Variants in CDH3 observed in about 807,000 individuals in gnomAD.
CDH3 encodes the protein cadherin-3.
In CDH3, 54 loss-of-function variants were observed where a neutral mutation model predicts 82.0. The ratio of observed to expected loss-of-function variants is 0.66; its 90% CI spans 0.53 to 0.83. CDH3 has a LOEUF of 0.83. Among genes scored for constraint, CDH3 ranks in the 40% least tolerant of loss-of-function variants. The pLI is 0.00. For missense variants in CDH3, 1,054 were observed against 1,084.6 expected, an observed-to-expected ratio of 0.97 and a Z score of 0.40; for synonymous variants, 446 against 437.9, an observed-to-expected ratio of 1.02 and a Z score of -0.23.
rs766034167 is a variant in CDH3, at chr16:68,678,124, C to T, written c.247-10C>T. The T allele has an allele frequency of 1.2e-6, 2 of 1,612,216 alleles. No individual in the cohort carries two copies. The highest frequency in any genetic ancestry group is 1.7e-6 in the Non-Finnish European group (2 of 1,178,282). On this transcript the variant is annotated splice_polypyrimidine_tract_variant and intron_variant, in intron 3 of 15. Coordinates refer to ENST00000264012, the MANE Select transcript of CDH3 (RefSeq NM_001793.6). ...TGCACATCTGGGTTAAGGAGTTTCT[C>T]TCCTTGCAGGAAAGAAGGTCACTGA...
chr16:68,693,118 A>G (rs112355544), intron 13 of CDH3, among the ~76,000 whole-genome samples: 2 of 152,298 alleles, frequency 1.3e-5, no homozygotes, highest in Admixed American at 6.5e-5. Flanking sequence ...AAAACAAAAC[A>G]AAAAAGAAAG....
At chr16:68,687,830 A>G (rs1961459602) in intron 12 of CDH3, 94 bp downstream of exon 12, 4 of 853,932 alleles carry the variant, frequency 4.7e-6, no homozygotes, top group Admixed American at 2.0e-5. Flanking sequence ...CTATCCTAGC[A>G]TCTTGTGGGC....
At chr16:68,671,647 G>A (rs574539154) in intron 2 of CDH3, among the ~76,000 whole-genome samples, 2 of 148,326 alleles carry the variant, frequency 1.3e-5, no homozygotes, top group East Asian at 2.1e-4. Context: ...TCAGCCTCCC[G>A]GGTAGCTGGG....
At chr16:68,685,953 C>T (rs2152103124) in intron 11 of CDH3, among the ~76,000 whole-genome samples, 1 of 152,290 alleles carries the variant, frequency 6.6e-6, no homozygotes, top group Middle Eastern at 3.4e-3. Context: ...ATCACTTGAG[C>T]CCAGGAGTTC....
At position 68,687,647 on chromosome 16, in the gene CDH3, A is replaced by G. The variant is rs1403426597; in HGVS notation, c.1706A>G (p.Asp569Gly). 6.2e-7 allele frequency: 1 copy of G among 1,614,082 alleles called. No homozygotes were observed. Among genetic ancestry groups the G allele is most frequent in the Non-Finnish European group, 8.5e-7 (1 of 1,179,988 alleles). ...SPVRQVLNIT[D>G]KDLSPHTSPF... ...GTGCGCCAGGTGCTGAACATCACGG[A>G]CAAGGACCTGTCTCCCCACACCTCC... The change falls in exon 12 of 16, where the codon GAC becomes GGC. Residue 569 changes from aspartate to glycine, a missense_variant. Coordinates refer to ENST00000264012, the MANE Select transcript of CDH3 (RefSeq NM_001793.6).
chr16:68,669,666 T>C (rs893325986), intron 2 of CDH3, among the ~76,000 whole-genome samples: 4 of 152,040 alleles, frequency 2.6e-5, no homozygotes, highest in African/African-American at 9.7e-5. Context: ...TTAAGTCTTC[T>C]GAGTAGTAGG....
At chr16:68,651,870 T>C in intron 2 of CDH3, 1 of 479,688 alleles carries the variant, frequency 2.1e-6, no homozygotes, top group Non-Finnish European at 4.2e-6. Flanking sequence ...TGCCTCCTTC[T>C]GGGGGTCATA....
downstream of CDH3, among the ~76,000 whole-genome samples, chr16:68,704,056 G>A (rs1961929308): frequency 6.6e-6 from 1 of 152,192 alleles, no homozygotes; most frequent in Admixed American, 6.5e-5. Context: ...GGAGGCCGAG[G>A]CGGGCGGATC....
At chr16:68,703,022 A>G (rs1195997481), downstream of CDH3, among the ~76,000 whole-genome samples, 6 of 152,180 alleles carry the variant, frequency 3.9e-5, no homozygotes, top group East Asian at 1.2e-3. Context: ...ACAGATGGAA[A>G]AAGAGGCTCA....
intron 1 of CDH3, among the ~76,000 whole-genome samples, chr16:68,714,854 T>A (rs1962073901): frequency 6.6e-6 from 1 of 151,946 alleles, no homozygotes; most frequent in Non-Finnish European, 1.5e-5. Flanking sequence ...TACAAAAATT[T>A]AAAAATTAGC....
intron 1 of CDH3, among the ~76,000 whole-genome samples, chr16:68,711,697 C>T (rs1028590598): frequency 2.6e-5 from 4 of 152,308 alleles, no homozygotes; most frequent in South Asian, 2.1e-4. Flanking sequence ...TCTTTGCCTC[C>T]CCACTGGGGT....
chr16:68,657,809 C>T (rs192226336), intron 2 of CDH3, among the ~76,000 whole-genome samples: 69 of 152,312 alleles, frequency 4.5e-4, no homozygotes, highest in Admixed American at 3.2e-3. Flanking sequence ...AGTAGCCCCC[C>T]TTTTGTTGAA....
In CDH3 at chr16:68,706,099, A is replaced by C. The variant is rs934870431; in HGVS notation, c.99+10176A>C. On this transcript the variant is annotated intron_variant, in intron 1 of 2. Coordinates refer to the CDH3 transcript ENST00000569080. Reference sequence around the variant, plus strand: ...AAAAAAAAAAGAGCCCAGCACTAACATGGGGGCTGCAGGTAGATATATGTG... The same window carrying C: ...AAAAAAAAAAGAGCCCAGCACTAACCTGGGGGCTGCAGGTAGATATATGTG... Among the ~76,000 whole-genome samples, 9 of 151,318 alleles carry C rather than the reference A, an allele frequency of 5.9e-5. 1 individual carries two copies. The Middle Eastern group carries it at 0.021, about 348-fold the overall frequency.
downstream of CDH3, among the ~76,000 whole-genome samples, chr16:68,731,015 C>T (rs571979355): frequency 2.2e-4 from 6 of 27,258 alleles, no homozygotes; most frequent in East Asian, 3.4e-3. Context: ...AGGGAAACTC[C>T]GTCTCAAAAA....
intron 2 of CDH3, among the ~76,000 whole-genome samples, chr16:68,652,176 T>C (rs1455624145): frequency 1.3e-5 from 2 of 152,018 alleles, no homozygotes; most frequent in Non-Finnish European, 2.9e-5. Context: ...CAGGGAGATA[T>C]CCATAAATGT....
At chr16:68,733,002 A>G in the CDH3 span, among the ~76,000 whole-genome samples, 16 of 152,102 alleles carry the variant, frequency 1.1e-4, no homozygotes, top group South Asian at 4.2e-4. Context: ...GCAGCTCACA[A>G]TTTTTCCTAG....
At chr16:68,710,476 G>T (rs1962012738) in intron 1 of CDH3, among the ~76,000 whole-genome samples, 1 of 152,186 alleles carries the variant, frequency 6.6e-6, no homozygotes, top group Non-Finnish European at 1.5e-5. Context: ...AATGAGTAGA[G>T]GCCAGAGATG....
chr16:68,681,668 T>C (rs1436100857), intron 8 of CDH3, among the ~76,000 whole-genome samples: 1 of 152,040 alleles, frequency 6.6e-6, no homozygotes, highest in Non-Finnish European at 1.5e-5. Flanking sequence ...CGAAACCCCG[T>C]CTCTACTAAA....
chr16:68,719,586 C>A (rs901323889), intron 1 of CDH3, among the ~76,000 whole-genome samples: 4 of 143,672 alleles, frequency 2.8e-5, no homozygotes, highest in African/African-American at 5.1e-5. Flanking sequence ...TGGCTCACTG[C>A]AACCTCTGCC....
Sources: allele counts gnomAD v4.1 joint callset (sites outside exome capture counted in the v4.1 genomes callset), GRCh38; gene constraint gnomAD v4.1.1; transcripts MANE v1.5; gene names NCBI Gene and HGNC (gene_info 2026-07-23, HGNC 2026-07-21).